Variants in COG5 observed in about 807,000 individuals in gnomAD.
COG5 encodes the protein conserved oligomeric Golgi complex subunit 5.
A neutral mutation model predicts 110.4 loss-of-function variants in COG5; 86 were observed. The observed-to-expected ratio is 0.78, with a 90% CI of 0.65 to 0.93. The LOEUF is 0.93. Among genes scored for constraint, COG5 ranks in the 40% least tolerant of loss-of-function variants. COG5 has a pLI of 0.00. For synonymous variants in COG5, 360 were observed against 334.6 expected (o/e 1.08, Z -0.83); for missense variants, 1,077 against 987.0 (o/e 1.09, Z -1.22).
Position 107,283,592 on chromosome 7 carries a change from C to T in COG5, c.1454G>A (p.Gly485Asp). 2 of 1,613,902 alleles carry T rather than the reference C, an allele frequency of 1.2e-6. No individual in the cohort carries two copies. Among genetic ancestry groups the T allele is most frequent in the Non-Finnish European group, 1.7e-6 (2 of 1,179,900 alleles). Residue 485 changes from glycine (G) to aspartate (D), a missense_variant, in exon 13 of 22, where the codon GGT becomes GAT. Physicochemically the swap from Gly to Asp is moderately conservative, Grantham distance 94. Transcript: ENST00000297135. ...RNPPSSDELDGIIKTIASELN... is the reference protein window; with the variant it reads ...RNPPSSDELDDIIKTIASELN... The stretch of plus-strand genomic sequence containing the variant: ...ATACCTTGCTATAGTTTTAATAATA[C>T]CATCAAGTTCATCAGAGGAAGGAGG...
At chr7:107,401,652 A>T (rs951968515) in intron 7 of COG5, among the ~76,000 whole-genome samples, 1 of 152,214 alleles carries the variant, frequency 6.6e-6, no homozygotes, top group Admixed American at 6.5e-5. Context: ...GGGAAAAATT[A>T]CTGAAACTCT....
intron 11 of COG5, among the ~76,000 whole-genome samples, chr7:107,315,933 C>A (rs963888819): frequency 2.0e-5 from 3 of 152,152 alleles, no homozygotes; most frequent in African/African-American, 7.2e-5. Context: ...TGTTTCCTGT[C>A]ATTAGCTTCT....
intron 5 of COG5, among the ~76,000 whole-genome samples, chr7:107,535,400 C>A (rs1449067716): frequency 6.6e-6 from 1 of 151,306 alleles, no homozygotes. Flanking sequence ...AAAAGACTAA[C>A]AAAATAAACC....
rs531156635 is a variant in COG5 at position 107,517,468 on chromosome 7, A to AAC, written c.538+9767_538+9768dup. Among the ~76,000 whole-genome samples the AAC allele has an allele frequency of 5.9e-5, 9 of 152,334 alleles. No individual in the cohort carries two copies. In the East Asian group the frequency reaches 1.7e-3, roughly 29 times the overall value. On this transcript the variant is annotated intron_variant, in intron 6 of 21. Coordinates refer to ENST00000297135, the MANE Select transcript of COG5 (RefSeq NM_006348.5). Reference sequence around the variant, plus strand: ...CTTCCCCAGCCTAGCAAGACAGGCCAACATTCAAATTCAGGAAATACAGAG... The same window carrying AAC: ...CTTCCCCAGCCTAGCAAGACAGGCCAACACATTCAAATTCAGGAAATACAGAG...
intron 6 of COG5, among the ~76,000 whole-genome samples, chr7:107,477,881 T>A (rs78951973): frequency 1.3e-5 from 2 of 151,896 alleles, no homozygotes; most frequent in East Asian, 3.8e-4. Flanking sequence ...TTCATTACAA[T>A]GTGTGAATTT....
intron 6 of COG5, among the ~76,000 whole-genome samples, chr7:107,518,611 T>A (rs577923053): frequency 1.5e-4 from 23 of 152,278 alleles, no homozygotes; most frequent in African/African-American, 5.3e-4. Context: ...AAAAGCTAAC[T>A]ATCCTAAATA....
intron 6 of COG5, among the ~76,000 whole-genome samples, chr7:107,449,290 T>G (rs1795190348): frequency 6.6e-6 from 1 of 152,176 alleles, no homozygotes; most frequent in South Asian, 2.1e-4. Flanking sequence ...CATGTATACG[T>G]GCACGTTCTC....
intron 6 of COG5, among the ~76,000 whole-genome samples, chr7:107,491,826 A>C (rs1178819581): frequency 6.6e-6 from 1 of 152,100 alleles, no homozygotes; most frequent in Non-Finnish European, 1.5e-5. Context: ...GAATAAATAT[A>C]TTCTTCTGTA....
At chr7:107,526,235 G>C (rs1033404571) in intron 6 of COG5, among the ~76,000 whole-genome samples, 1 of 152,154 alleles carries the variant, frequency 6.6e-6, no homozygotes, top group African/African-American at 2.4e-5. Flanking sequence ...AGCCTACAAA[G>C]TACAAATGCC....
chr7:107,425,417 T>C (rs1175047374), intron 6 of COG5, among the ~76,000 whole-genome samples: 2 of 151,232 alleles, frequency 1.3e-5, no homozygotes, highest in Non-Finnish European at 2.9e-5. Context: ...CTCCATCATA[T>C]AAACATTAAT....
chr7:107,509,442 G>T (rs990949946), intron 6 of COG5, among the ~76,000 whole-genome samples: 28 of 152,164 alleles, frequency 1.8e-4, no homozygotes, highest in Admixed American at 1.3e-3. Flanking sequence ...TGAAAGTGAT[G>T]GGGAGAATGG....
chr7:107,385,927 T>C (rs1380499163), intron 7 of COG5, among the ~76,000 whole-genome samples: 3 of 151,676 alleles, frequency 2.0e-5, no homozygotes, highest in Non-Finnish European at 4.4e-5. Context: ...TTGCTGGCCA[T>C]CTGTATATCT....
At chr7:107,402,978 ATTTAG>A (rs1791550227) in intron 7 of COG5, among the ~76,000 whole-genome samples, 1 of 152,242 alleles carries the variant, frequency 6.6e-6, no homozygotes, top group Admixed American at 6.5e-5. Flanking sequence ...CTAAACAGTC[ATTTAG>A]TTTATAAATC....
chr7:107,473,925 T>A, intron 6 of COG5: 1 of 511,792 alleles, frequency 2.0e-6, no homozygotes, highest in Non-Finnish European at 3.4e-6. Flanking sequence ...TTTACAAACT[T>A]AAAAATTAAA....
At chr7:107,351,262 A>G (rs1282110663) in intron 10 of COG5, among the ~76,000 whole-genome samples, 1 of 152,220 alleles carries the variant, frequency 6.6e-6, no homozygotes, top group Non-Finnish European at 1.5e-5. Context: ...CCATATGTAG[A>G]AAGATGAAAC....
chr7:107,316,120 A>G (rs893303520), intron 11 of COG5, among the ~76,000 whole-genome samples: 1 of 152,228 alleles, frequency 6.6e-6, no homozygotes, highest in African/African-American at 2.4e-5. Flanking sequence ...AAAAATGCAA[A>G]CTACTCTTTG....
chr7:107,457,616 A>G (rs1308149951), intron 6 of COG5, among the ~76,000 whole-genome samples: 1 of 151,950 alleles, frequency 6.6e-6, no homozygotes, highest in Non-Finnish European at 1.5e-5. Context: ...TTTTCAGTAG[A>G]GACAGGGTTT....
chr7:107,483,443 T>C (rs1797463331), intron 6 of COG5, among the ~76,000 whole-genome samples: 1 of 152,118 alleles, frequency 6.6e-6, no homozygotes, highest in South Asian at 2.1e-4. Flanking sequence ...TGGTGGCACA[T>C]GCCTGTAATC....
intron 14 of COG5, among the ~76,000 whole-genome samples, chr7:107,262,319 C>T (rs139149616): frequency 2.0e-4 from 31 of 152,232 alleles, no homozygotes; most frequent in Middle Eastern, 3.4e-3. Context: ...GATTAGATTA[C>T]GTGATTCATT....
Sources: gnomAD v4.1 joint callset for allele counts (sites outside exome capture counted in the v4.1 genomes callset) on GRCh38, gnomAD v4.1.1 for gene constraint, MANE v1.5 for transcripts, NCBI Gene and HGNC (gene_info 2026-07-23, HGNC 2026-07-21) for gene names.